The following CDK13 variants were observed in gnomAD, a reference collection of about 807,000 sequenced individuals.
CDK13 encodes cyclin dependent kinase 13.
In CDK13, 40 loss-of-function variants were observed where a neutral mutation model predicts 137.6. The ratio of observed to expected loss-of-function variants is 0.29; its 90% CI spans 0.23 to 0.38. The LOEUF is 0.38. CDK13 is among the 10% of genes least tolerant of loss of function. The pLI, the probability that CDK13 is intolerant of heterozygous loss-of-function variation, is 1.00. For missense variants in CDK13, 1,704 were observed against 1,951.8 expected (o/e 0.87, Z 2.39); for synonymous variants, 869 against 760.1 (o/e 1.14, Z -2.36).
chr7:40,001,786 A>G (rs920355297), intron 4 of CDK13, 75 bp from the exon 5 acceptor site: 5 of 924,474 alleles, frequency 5.4e-6, no homozygotes, highest in Non-Finnish European at 8.6e-6. Flanking sequence ...ATTGAATTAA[A>G]ATACATTTAA....
intron 7 of CDK13, among the ~76,000 whole-genome samples, chr7:40,054,881 G>A (rs17496579): frequency 0.03 from 4,624 of 152,208 alleles, 227 homozygotes; most frequent in African/African-American, 0.1. Flanking sequence ...ATTTACAAAT[G>A]AAAGTATTTA....
chr7:40,080,586 A>G (rs901036033), intron 11 of CDK13, among the ~76,000 whole-genome samples: 4 of 152,270 alleles, frequency 2.6e-5, no homozygotes, highest in African/African-American at 7.2e-5. Flanking sequence ...TGAATTTTTC[A>G]CTGTTGAATT....
chr7:39,961,882 C>T lies in CDK13; in HGVS notation c.1211+10030C>T, dbSNP rs193249963. 3.9e-3 allele frequency among the ~76,000 whole-genome samples: 588 copies of T among 152,054 alleles called. 8 individuals carry two copies. Among genetic ancestry groups the T allele is most frequent in the African/African-American group, 0.014 (560 of 41,454 alleles). On this transcript the variant is annotated intron_variant, in intron 1 of 13. Coordinates refer to ENST00000181839, the MANE Select transcript of CDK13 (RefSeq NM_003718.5). ...ATTCCCACCTATGAGTGAGAACATG[C>T]GGTGTTTGGTTTTTTGTCCTTGCAA...
At chr7:39,995,660 T>C (rs762877983) in intron 2 of CDK13, among the ~76,000 whole-genome samples, 8 of 152,186 alleles carry the variant, frequency 5.3e-5, no homozygotes, top group Non-Finnish European at 8.8e-5. Context: ...CAATATTTGC[T>C]GAATGGAGGG....
At chr7:39,991,792 A>G (rs956494136) in intron 2 of CDK13, among the ~76,000 whole-genome samples, 1 of 151,986 alleles carries the variant, frequency 6.6e-6, no homozygotes, top group Non-Finnish European at 1.5e-5. Flanking sequence ...TTGTAATCCC[A>G]AAGTGTAATA....
At chr7:40,063,200 A>G (rs1584056433) in intron 9 of CDK13, 100 bp downstream of exon 9, 14 of 867,628 alleles carry the variant, frequency 1.6e-5, no homozygotes, top group Non-Finnish European at 2.6e-5. Context: ...AGAGAACAAC[A>G]TGGTTCTCTG....
chr7:40,000,962 G>A (rs547134785), intron 4 of CDK13, among the ~76,000 whole-genome samples: 1 of 152,174 alleles, frequency 6.6e-6, no homozygotes, highest in East Asian at 1.9e-4. Context: ...TAAATTATGT[G>A]GCAATTTAGT....
intron 1 of CDK13, among the ~76,000 whole-genome samples, chr7:39,962,831 T>A (rs1017121346): frequency 2.0e-5 from 3 of 152,236 alleles, no homozygotes; most frequent in Non-Finnish European, 4.4e-5. Context: ...CAGTTTCAGC[T>A]TTCTACATAA....
chr7:39,994,441 A>G (rs1701570258), intron 2 of CDK13, among the ~76,000 whole-genome samples: 1 of 152,026 alleles, frequency 6.6e-6, no homozygotes, highest in South Asian at 2.1e-4. Context: ...CTTTTAACAT[A>G]TTGTATTTGT....
intron 5 of CDK13, among the ~76,000 whole-genome samples, chr7:40,042,599 C>T (rs912728713): frequency 5.3e-5 from 8 of 150,288 alleles, no homozygotes; most frequent in African/African-American, 2.0e-4. Context: ...CCACCTCAGC[C>T]TCCCAAGTAG....
chr7:39,994,500 C>T (rs985918373), intron 2 of CDK13, among the ~76,000 whole-genome samples: 1 of 151,870 alleles, frequency 6.6e-6, no homozygotes, highest in African/African-American at 2.4e-5. Flanking sequence ...ATATTGGCTC[C>T]CAAACTCAAA....
chr7:40,035,653 C>T (rs920229379), intron 5 of CDK13, among the ~76,000 whole-genome samples: 2 of 149,068 alleles, frequency 1.3e-5, no homozygotes, highest in Admixed American at 1.4e-4. Flanking sequence ...AGGGCCCCCA[C>T]TGATTGTACA....
intron 5 of CDK13, among the ~76,000 whole-genome samples, chr7:40,045,485 T>A (rs553939690): frequency 1.4e-3 from 216 of 151,836 alleles, no homozygotes; most frequent in African/African-American, 5.1e-3. Flanking sequence ...TTTTAATTTT[T>A]TGATAAACTA....
intron 7 of CDK13, among the ~76,000 whole-genome samples, chr7:40,057,697 C>T (rs545724823): frequency 2.0e-5 from 3 of 152,230 alleles, no homozygotes; most frequent in Non-Finnish European, 4.4e-5. Flanking sequence ...AATGTAGGTA[C>T]TTATAGGACT....
chr7:39,991,449 A>C (rs866755714), intron 2 of CDK13, among the ~76,000 whole-genome samples: 1 of 148,058 alleles, frequency 6.8e-6, no homozygotes, highest in Middle Eastern at 3.6e-3. Context: ...TTCCTGGTTG[A>C]CTTTCACTGT....
intron 1 of CDK13, among the ~76,000 whole-genome samples, chr7:39,968,206 C>G (rs528233370): frequency 6.6e-6 from 1 of 152,242 alleles, no homozygotes; most frequent in East Asian, 1.9e-4. Context: ...TTCATTGTTT[C>G]CTTTGCTTTG....
chr7:40,094,288 C>T lies in CDK13; in HGVS notation c.3847C>T (p.His1283Tyr), dbSNP rs759974948. The T allele has an allele frequency of 3.0e-5, 49 of 1,612,552 alleles. No homozygotes were observed. In the African/African-American group the frequency reaches 5.5e-4, roughly 18 times the overall value. The change falls in exon 14 of 14, where the codon CAT (histidine) becomes TAT (tyrosine). Residue 1283 changes from histidine to tyrosine, a missense_variant. Physicochemically the swap from His to Tyr is moderately conservative, Grantham distance 83. Coordinates refer to ENST00000181839, the MANE Select transcript of CDK13 (RefSeq NM_003718.5). ...EDLDYRTENQ[H>Y]VPTTSSSLTD... The stretch of plus-strand genomic sequence containing the variant: ...TCTAGATTATCGGACAGAAAACCAG[C>T]ATGTACCCACCACCAGTTCTTCATT...
chr7:40,005,001 C>T (rs573933292), intron 5 of CDK13, among the ~76,000 whole-genome samples: 3 of 151,774 alleles, frequency 2.0e-5, no homozygotes, highest in Admixed American at 6.6e-5. Flanking sequence ...ATGGTGAAAC[C>T]CATCTCAACT....
Position 39,950,970 on chromosome 7 carries a change from G to A in CDK13, c.329G>A (p.Arg110His), listed in dbSNP as rs758702398. Residue 110 changes from arginine to histidine, a missense_variant, in exon 1 of 14, where the codon CGC (arginine) becomes CAC (histidine). Around this residue, in one of 5 missense-constraint regions of CDK13, gnomAD observed 1,051 missense variants for 931.0 expected, o/e 1.13. Transcript: ENST00000181839. Reference protein sequence around the residue: ...GGRQKRRRGPRAGQEAEKRRV... With the variant: ...GGRQKRRRGPHAGQEAEKRRV... ...CGGCAGAAGCGGCGTCGCGGGCCCCGCGCCGGGCAGGAGGCGGAGAAGCGT... is the reference window on the plus strand; with the variant it reads ...CGGCAGAAGCGGCGTCGCGGGCCCCACGCCGGGCAGGAGGCGGAGAAGCGT... 2 of 1,313,226 alleles carry A rather than the reference G, an allele frequency of 1.5e-6. No individual in the cohort carries two copies. Among genetic ancestry groups the A allele is most frequent in the Admixed American group, 4.2e-5 (1 of 23,904 alleles). 81.3% of individuals were successfully genotyped at this position (1,313,226 alleles called of 1,614,324 possible). A position where few individuals can be genotyped will look rare whatever the true frequency, so the allele number is the denominator to read the frequency against.
Sources: gnomAD v4.1 joint callset for allele counts (sites outside exome capture counted in the v4.1 genomes callset) on GRCh38, gnomAD v4.1.1 for gene constraint, gnomAD v4.1.1 regional missense constraint, MANE v1.5 for transcripts, NCBI Gene and HGNC (gene_info 2026-07-23, HGNC 2026-07-21) for gene names.